Variants in NALF1 observed in about 807,000 individuals in gnomAD.
NALF1 encodes NALCN channel auxiliary factor 1.
In NALF1, 3 loss-of-function variants were observed where a neutral mutation model predicts 48.4. The observed-to-expected ratio is 0.06, with a 90% CI of 0.03 to 0.16. The LOEUF is 0.16. Ranked by LOEUF, NALF1 falls within the 10% of genes least tolerant of loss-of-function variation. The pLI is 1.00. For missense variants in NALF1, 526 were observed against 571.5 expected (o/e 0.92, Z 0.81); for synonymous variants, 262 against 245.7 (o/e 1.07, Z -0.62).
At chr13:107,789,107 T>G (rs1224800515) in intron 1 of NALF1, 1 of 152,150 alleles carries the variant, frequency 6.6e-6, no homozygotes, top group Non-Finnish European at 1.5e-5. Flanking sequence ...CAGGCTTATC[T>G]GAACTGGATC....
chr13:107,442,641 C>T (rs1884579911), intron 1 of NALF1, among the ~76,000 whole-genome samples: 1 of 152,144 alleles, frequency 6.6e-6, no homozygotes, highest in Non-Finnish European at 1.5e-5. Flanking sequence ...AATTGTCCTC[C>T]AGCAAACCTT....
intron 1 of NALF1, among the ~76,000 whole-genome samples, chr13:107,236,318 G>A (rs1013316272): frequency 2.0e-5 from 3 of 152,122 alleles, no homozygotes; most frequent in African/African-American, 7.2e-5. Flanking sequence ...TTCAAAGCAG[G>A]GAGCCTCAAT....
chr13:107,511,616 C>T (rs1875894204), intron 1 of NALF1, among the ~76,000 whole-genome samples: 1 of 152,078 alleles, frequency 6.6e-6, no homozygotes. Flanking sequence ...AGTCAGGTAA[C>T]TATTTCTATT....
chr13:107,289,926 A>C, intron 1 of NALF1, among the ~76,000 whole-genome samples: 1 of 152,222 alleles, frequency 6.6e-6, no homozygotes, highest in Non-Finnish European at 1.5e-5. Flanking sequence ...CAACCCCTGT[A>C]GTGAGCCTGT....
chr13:107,768,472 A>C (rs1877480061), intron 1 of NALF1, among the ~76,000 whole-genome samples: 2 of 152,216 alleles, frequency 1.3e-5, no homozygotes, highest in South Asian at 4.1e-4. Context: ...AGTAGCTTTT[A>C]TAAGAATTTG....
At chr13:107,349,158 C>G (rs144023951) in intron 1 of NALF1, among the ~76,000 whole-genome samples, 1 of 152,314 alleles carries the variant, frequency 6.6e-6, no homozygotes, top group East Asian at 1.9e-4. Flanking sequence ...CTGATTCTAT[C>G]TTACATTTTC....
intron 1 of NALF1, among the ~76,000 whole-genome samples, chr13:107,301,396 T>C (rs935326512): frequency 3.3e-5 from 5 of 152,196 alleles, no homozygotes; most frequent in Non-Finnish European, 7.4e-5. Context: ...TAGGCAGCTG[T>C]TGAAATTATT....
intron 1 of NALF1, among the ~76,000 whole-genome samples, chr13:107,589,911 A>G (rs1878558850): frequency 6.6e-6 from 1 of 152,024 alleles, no homozygotes; most frequent in Non-Finnish European, 1.5e-5. Flanking sequence ...GACATCTCAG[A>G]TGAAAGATGG....
chr13:107,443,954 T>A (rs973887801), intron 1 of NALF1, among the ~76,000 whole-genome samples: 2 of 152,234 alleles, frequency 1.3e-5, no homozygotes, highest in Non-Finnish European at 2.9e-5. Flanking sequence ...TCAGTGTTCA[T>A]ATTAATCACA....
intron 1 of NALF1, among the ~76,000 whole-genome samples, chr13:107,478,944 T>C (rs1323869115): frequency 6.6e-6 from 1 of 152,150 alleles, no homozygotes; most frequent in Non-Finnish European, 1.5e-5. Flanking sequence ...TTTCTGACTT[T>C]CCATGAAAGT....
chr13:107,508,207 T>G (rs1410998008), intron 1 of NALF1, among the ~76,000 whole-genome samples: 1 of 152,124 alleles, frequency 6.6e-6, no homozygotes, highest in Non-Finnish European at 1.5e-5. Flanking sequence ...TTAAAAGCAA[T>G]GTTTCAGCTC....
At chr13:107,208,276 C>T (rs1879685299) in intron 2 of NALF1, among the ~76,000 whole-genome samples, 1 of 152,130 alleles carries the variant, frequency 6.6e-6, no homozygotes, top group African/African-American at 2.4e-5. Context: ...ACGGAGATGG[C>T]ACTTTTCTCT....
intron 1 of NALF1, among the ~76,000 whole-genome samples, chr13:107,220,069 A>G (rs199691794): frequency 1.2e-5 from 1 of 83,606 alleles, no homozygotes; most frequent in Non-Finnish European, 2.1e-5. Flanking sequence ...AGTCACAAAA[A>G]TTATAATTGA....
intron 1 of NALF1, among the ~76,000 whole-genome samples, chr13:107,439,141 T>C (rs1039768318): frequency 6.6e-6 from 1 of 152,126 alleles, no homozygotes; most frequent in African/African-American, 2.4e-5. Flanking sequence ...TCTAGGGTAA[T>C]TGGTTATCTC....
intron 1 of NALF1, among the ~76,000 whole-genome samples, chr13:107,597,324 T>A (rs1878782351): frequency 6.6e-6 from 1 of 152,108 alleles, no homozygotes; most frequent in Non-Finnish European, 1.5e-5. Context: ...CCCTCCTGCA[T>A]AGGTACAGGA....
intron 1 of NALF1, among the ~76,000 whole-genome samples, chr13:107,680,479 T>G (rs1881262510): frequency 6.6e-6 from 1 of 151,286 alleles, no homozygotes; most frequent in Admixed American, 6.6e-5. Context: ...TGAATGAGAG[T>G]GTGTGTATGA....
intron 1 of NALF1, among the ~76,000 whole-genome samples, chr13:107,688,650 A>G (rs372949217): frequency 3.3e-5 from 5 of 152,324 alleles, no homozygotes; most frequent in African/African-American, 9.6e-5. Context: ...TCTATATAGG[A>G]AAGATTTTTC....
At chr13:107,523,129 G>A (rs1876303685) in intron 1 of NALF1, among the ~76,000 whole-genome samples, 1 of 152,100 alleles carries the variant, frequency 6.6e-6, no homozygotes, top group Admixed American at 6.5e-5. Context: ...GAACTAATGA[G>A]GTCATTCTGA....
intron 1 of NALF1, among the ~76,000 whole-genome samples, chr13:107,254,062 A>AAAAAAAAATATATATATAT: frequency 2.2e-5 from 3 of 138,582 alleles, no homozygotes; most frequent in African/African-American, 8.1e-5. Flanking sequence ...CAAGTACTAA[A>AAAAAAAAATATATATATAT]ATATATATAT....
Sources: allele counts gnomAD v4.1 joint callset (sites outside exome capture counted in the v4.1 genomes callset), GRCh38; gene constraint gnomAD v4.1.1; transcripts MANE v1.5; gene names NCBI Gene and HGNC (gene_info 2026-07-23, HGNC 2026-07-21).